The following COG1 variants were observed in gnomAD, a reference collection of about 807,000 sequenced individuals.
COG1 encodes the protein component of oligomeric golgi complex 1, also known as conserved oligomeric Golgi complex subunit 1.
A neutral mutation model predicts 102.2 loss-of-function variants in COG1; 61 were observed. The observed-to-expected ratio is 0.60, with a 90% CI of 0.49 to 0.74. The LOEUF is 0.74. Ranked by LOEUF, COG1 falls within the 30% of genes least tolerant of loss-of-function variation. The pLI, the probability that COG1 is intolerant of heterozygous loss-of-function variation, is 0.00. For missense variants in COG1, 1,164 were observed against 1,232.1 expected, an observed-to-expected ratio of 0.94 and a Z score of 0.83; for synonymous variants, 454 against 493.6, an observed-to-expected ratio of 0.92 and a Z score of 1.06.
At chr17:73,199,611 G>C (rs558180233) in intron 4 of COG1, among the ~76,000 whole-genome samples, 2 of 152,250 alleles carry the variant, frequency 1.3e-5, no homozygotes, top group South Asian at 2.1e-4. Context: ...GTCTCACCTT[G>C]TTGCCCAGGC....
At chr17:73,207,094 A>G in intron 12 of COG1, 87 bp from the exon 13 acceptor site, 1 of 102,968 alleles carries the variant, frequency 9.7e-6, no homozygotes, top group Non-Finnish European at 1.6e-5. Flanking sequence ...CTCTGTCTCA[A>G]AAAAAAAAAA....
At chr17:73,202,867 A>G (rs1599328493) in intron 7 of COG1, 133 bp from the exon 8 acceptor site, 6 of 973,474 alleles carry the variant, frequency 6.2e-6, no homozygotes, top group South Asian at 1.3e-5. Context: ...TAATTAGCCA[A>G]AAGAGGACTG....
rs2061326335 is a variant in COG1, at chr17:73,196,663, C to CA, written c.473dup (p.Leu159AlafsTer5). 1.2e-6 allele frequency: 2 copies of CA among 1,614,088 alleles called. No individual in the cohort carries two copies. The highest frequency in any genetic ancestry group is 2.2e-5 in the South Asian group (2 of 91,090). On this transcript the variant is annotated frameshift_variant, in exon 2 of 14. Transcript: ENST00000299886. LOFTEE classifies it high-confidence loss of function. ...CTGCTGCCACCTCCACAGCCTGCTC[C>CA]AGCTGGATTCTTCTAGTTCCCGATA...
chr17:73,200,355 C>T (rs1475630568), intron 5 of COG1, among the ~76,000 whole-genome samples: 1 of 152,138 alleles, frequency 6.6e-6, no homozygotes, highest in South Asian at 2.1e-4. Context: ...CTCGGGGAAG[C>T]AAGGGTAGGC....
At position 73,203,795 on chromosome 17, in the gene COG1, T is replaced by G. The variant is rs1265625699; in HGVS notation, c.2382+2T>G. 10 of 1,614,070 alleles carry G rather than the reference T, an allele frequency of 6.2e-6. No homozygotes were observed. The highest frequency in any genetic ancestry group is 1.3e-5 in the African/African-American group (1 of 74,942). On this transcript the variant is annotated splice_donor_variant, in intron 9 of 13. Coordinates refer to ENST00000299886, the MANE Select transcript of COG1 (RefSeq NM_018714.3). LOFTEE classifies it high-confidence loss of function. Reference sequence around the variant, plus strand: ...CTCTCCGAAGAAAAACAGATTAAGGTAGGTGTCTGAATGTTTGCCCATTAA... The same window carrying G: ...CTCTCCGAAGAAAAACAGATTAAGGGAGGTGTCTGAATGTTTGCCCATTAA...
intron 12 of COG1, 121 bp downstream of exon 12, chr17:73,206,938 C>T: frequency 2.5e-6 from 2 of 799,472 alleles, no homozygotes; most frequent in Non-Finnish European, 4.1e-6. Flanking sequence ...AAAAAAAATA[C>T]AAAAAATTAG....
intron 13 of COG1, chr17:73,207,618 TC>T (rs1296536613): frequency 4.7e-6 from 5 of 1,057,808 alleles, no homozygotes; most frequent in Non-Finnish European, 6.5e-6. Flanking sequence ...GGTTTTATCT[TC>T]CCTTTTAGTT....
chr17:73,196,198 T>C (rs2061324268), intron 1 of COG1, among the ~76,000 whole-genome samples: 1 of 152,170 alleles, frequency 6.6e-6, no homozygotes, highest in Admixed American at 6.5e-5. Context: ...GATTTGTGTC[T>C]TGCCCACATC....
intron 4 of COG1, among the ~76,000 whole-genome samples, chr17:73,197,613 C>G (rs141048052): frequency 8.3e-4 from 127 of 152,288 alleles, no homozygotes; most frequent in African/African-American, 2.9e-3. Context: ...TTGGTCATTG[C>G]TAGAAAGGCT....
At chr17:73,197,455 G>C in intron 4 of COG1, 59 bp downstream of exon 4, 2 of 1,581,726 alleles carry the variant, frequency 1.3e-6, no homozygotes, top group Non-Finnish European at 1.7e-6. Flanking sequence ...TTTGCTCAGC[G>C]TCTACCGTGT....
In COG1 at chr17:73,193,279, C is replaced by T; in HGVS notation, c.210C>T (p.Arg70=). Residue 70 remains arginine, a synonymous_variant, in exon 1 of 14, where the codon CGC becomes CGT. Transcript: ENST00000299886. Reference sequence around the variant, plus strand: ...CGGCCGACACCATCGGCCAGATGCGCCGCTGCGCCGTGGGGCTAGTGGACG... The same window carrying T: ...CGGCCGACACCATCGGCCAGATGCGTCGCTGCGCCGTGGGGCTAGTGGACG... ...IEAADTIGQM[R]RCAVGLVDAV... 1.2e-6 allele frequency: 2 copies of T among 1,603,122 alleles called. No individual in the cohort carries two copies. The highest frequency in any genetic ancestry group is 8.5e-7 in the Non-Finnish European group (1 of 1,176,100).
chr17:73,201,527 A>G lies in COG1; in HGVS notation c.1700A>G (p.Gln567Arg). The stretch of plus-strand genomic sequence containing the variant: ...AGATACGCAGATGCGGGGACCGTGC[A>G]GGAGATGCTGCGGACTCAGTCCGTG... ...FDRYADAGTVQEMLRTQSVAC... is the reference protein window; with the variant it reads ...FDRYADAGTVREMLRTQSVAC... Residue 567 changes from glutamine to arginine, a missense_variant, in exon 7 of 14, where the codon CAG becomes CGG. Gln to Arg is a conservative substitution (Grantham distance 43, BLOSUM62 1). Coordinates refer to ENST00000299886, the MANE Select transcript of COG1 (RefSeq NM_018714.3). The G allele has an allele frequency of 1.2e-6, 2 of 1,614,272 alleles. No homozygotes were observed. The highest frequency in any genetic ancestry group is 1.7e-5 in the Admixed American group (1 of 60,026).
chr17:73,208,318 T>C lies in COG1; in HGVS notation c.2810T>C (p.Val937Ala). ...TTTCTCTACATCCAATGGCAGGTTG[T>C]CCCCCCGGCACGCTCCACAGCTGGT... ...TRNIETKAQV[V>A]PPARSTAGDP... is the part of the protein sequence containing the mutation. Residue 937 changes from valine (V) to alanine (A), a missense_variant, in exon 14 of 14, where the codon GTC becomes GCC. Coordinates refer to ENST00000299886, the MANE Select transcript of COG1 (RefSeq NM_018714.3). 6.2e-7 allele frequency: 1 copy of C among 1,613,424 alleles called. No homozygotes were observed. The highest frequency in any genetic ancestry group is 1.3e-5 in the African/African-American group (1 of 74,996).
chr17:73,197,202 A>C, intron 3 of COG1, 24 bp from the exon 4 acceptor site: 1 of 1,614,186 alleles, frequency 6.2e-7, no homozygotes, highest in East Asian at 2.2e-5. Context: ...TAATTGTTTC[A>C]AAGAGGATGG....
chr17:73,207,320 G>C (rs774353832), intron 13 of COG1, 64 bp downstream of exon 13: 1 of 1,402,668 alleles, frequency 7.1e-7, no homozygotes. Context: ...AGCCACCCAT[G>C]ATCAGCTCCC....
In COG1 at chr17:73,207,072, G is replaced by A. The variant is rs774965701; in HGVS notation, c.2730-109G>A. On this transcript the variant is annotated intron_variant, in intron 12 of 13. Coordinates refer to ENST00000299886, the MANE Select transcript of COG1 (RefSeq NM_018714.3). ...TGCGCCACTGCACTCCAGCCTGGGC[G>A]ACAGAACGAGACTCTGTCTCAAAAA... is the stretch of plus-strand genomic sequence containing the variant. 8.8e-5 allele frequency: 82 copies of A among 931,388 alleles called. 1 individual carries two copies. The highest frequency in any genetic ancestry group is 7.0e-4 in the South Asian group (49 of 70,152). 57.7% of individuals were successfully genotyped at this position (931,388 alleles called of 1,614,324 possible). A position where few individuals can be genotyped will look rare whatever the true frequency, so the allele number is the denominator to read the frequency against.
chr17:73,199,876 G>A lies in COG1; in HGVS notation c.925G>A (p.Gly309Ser), dbSNP rs140736202. ...TGQHPAGKGT[G>S]VLQEEMKLCS... ...GGCCTTCTCTTTAGGAAAGGGCACT[G>A]GTGTCCTGCAGGAAGAGATGAAACT... The change falls in exon 5 of 14, where the codon GGT (glycine) becomes AGT (serine). Residue 309 changes from glycine (G) to serine (S), a missense_variant. Physicochemically the swap from Gly to Ser is moderately conservative, Grantham distance 56 (BLOSUM62 0). Transcript: ENST00000299886. 5 of 1,614,048 alleles carry A rather than the reference G, an allele frequency of 3.1e-6. No individual in the cohort carries two copies. Among genetic ancestry groups the A allele is most frequent in the Non-Finnish European group, 3.4e-6 (4 of 1,180,040 alleles).
At chr17:73,204,979 A>C (rs758882382) in intron 9 of COG1, among the ~76,000 whole-genome samples, 24 of 152,176 alleles carry the variant, frequency 1.6e-4, no homozygotes, top group Non-Finnish European at 2.9e-4. Flanking sequence ...CCTGACCAAC[A>C]TGGTGAAACC....
rs753728592 is a variant in COG1 at position 73,208,436 on chromosome 17, T to C, written c.2928T>C (p.Ser976=). Residue 976 remains serine, a synonymous_variant, in exon 14 of 14, where the codon TCT becomes TCC. Coordinates refer to ENST00000299886, the MANE Select transcript of COG1 (RefSeq NM_018714.3). ...APSLFKLGWL[S]SMTK ...CATTATTCAAACTTGGCTGGCTCTC[T>C]AGTATGACTAAGTAACATGGCAACA... 3.7e-6 allele frequency: 6 copies of C among 1,614,038 alleles called. No homozygotes were observed. The highest frequency in any genetic ancestry group is 5.1e-6 in the Non-Finnish European group (6 of 1,180,008).
Sources: gnomAD v4.1 joint callset for allele counts (sites outside exome capture counted in the v4.1 genomes callset) on GRCh38, gnomAD v4.1.1 for gene constraint, MANE v1.5 for transcripts, NCBI Gene and HGNC (gene_info 2026-07-23, HGNC 2026-07-21) for gene names.